Variants in ITGA6 observed in about 807,000 individuals in gnomAD.
The protein encoded by ITGA6 is integrin subunit alpha 6, also known as integrin alpha-6.
In ITGA6, 63 loss-of-function variants were observed where a neutral mutation model predicts 133.6. The observed-to-expected ratio is 0.47, with a 90% confidence interval of 0.38 to 0.58. The LOEUF is 0.58. Among genes scored for constraint, ITGA6 ranks in the 20% least tolerant of loss-of-function variants. The pLI, the probability that ITGA6 is intolerant of heterozygous loss-of-function variation, is 0.00. For missense variants in ITGA6, 1,068 were observed against 1,309.4 expected (o/e 0.82, Z 2.85); for synonymous variants, 434 against 482.0 (o/e 0.90, Z 1.30).
chr2:172,450,837 AT>A (rs1684958167), intron 1 of ITGA6, among the ~76,000 whole-genome samples: 1 of 143,212 alleles, frequency 7.0e-6, no homozygotes, highest in African/African-American at 2.7e-5. Flanking sequence ...TATATAAAAT[AT>A]ATATATAATT....
intron 1 of ITGA6, among the ~76,000 whole-genome samples, chr2:172,456,444 G>C (rs948391636): frequency 1.3e-5 from 2 of 152,150 alleles, no homozygotes; most frequent in African/African-American, 4.8e-5. Flanking sequence ...ATCCGAGCCT[G>C]GGGTGACCAT....
chr2:172,496,115 C>T (rs1687116718), intron 23 of ITGA6, among the ~76,000 whole-genome samples: 1 of 152,212 alleles, frequency 6.6e-6, no homozygotes, highest in Non-Finnish European at 1.5e-5. Flanking sequence ...TGGTTTGTTT[C>T]ATTGTAGTCA....
rs370253342 is a variant in ITGA6 at position 172,476,518 on chromosome 2, G to C, written c.1388+5G>C. On this transcript the variant is annotated splice_donor_5th_base_variant and intron_variant, in intron 9 of 25. Coordinates refer to ENST00000684293, the MANE Select transcript of ITGA6 (RefSeq NM_000210.4). Reference sequence around the variant, plus strand: ...AGATTCAGTAACTATTTTCAGGTCTGTTATCTATGATTTTAGTGTTAAGCA... The same window carrying C: ...AGATTCAGTAACTATTTTCAGGTCTCTTATCTATGATTTTAGTGTTAAGCA... The C allele has an allele frequency of 2.6e-5, 38 of 1,467,318 alleles. No homozygotes were observed. The highest frequency in any genetic ancestry group is 3.3e-5 in the Non-Finnish European group (35 of 1,046,120). 90.9% of individuals were successfully genotyped at this position (1,467,318 alleles called of 1,614,324 possible).
intron 24 of ITGA6, among the ~76,000 whole-genome samples, chr2:172,498,529 C>G (rs1197362291): frequency 1.3e-5 from 2 of 152,128 alleles, no homozygotes; most frequent in African/African-American, 4.8e-5. Context: ...ATGCTTACAG[C>G]TAGATTTGGA....
chr2:172,500,776 A>G (rs62167795), intron 24 of ITGA6, among the ~76,000 whole-genome samples: 6,238 of 152,330 alleles, frequency 0.041, 189 homozygotes, highest in Non-Finnish European at 0.059. Flanking sequence ...CTGGAGCTGC[A>G]GCATCCAGTA....
At chr2:172,439,202 G>A (rs927120144) in intron 1 of ITGA6, among the ~76,000 whole-genome samples, 1 of 151,840 alleles carries the variant, frequency 6.6e-6, no homozygotes, top group Non-Finnish European at 1.5e-5. Context: ...GGAGAGCCAA[G>A]GCTGTGCTTC....
rs184791235 is a variant in ITGA6 at position 172,493,256 on chromosome 2, G to A, written c.2988+1733G>A. Among the ~76,000 whole-genome samples the A allele has an allele frequency of 8.6e-4, 131 of 152,222 alleles. 1 individual carries two copies. The highest frequency in any genetic ancestry group is 2.8e-3 in the African/African-American group (118 of 41,516). On this transcript the variant is annotated intron_variant, in intron 23 of 25. Coordinates refer to ENST00000684293, the MANE Select transcript of ITGA6 (RefSeq NM_000210.4). ...AATGCTGTACTGGGCAAGCTGCTGC[G>A]ATAAGTGGTATCAACCAGCACTGTC...
At chr2:172,444,027 G>T (rs1684648693) in intron 1 of ITGA6, among the ~76,000 whole-genome samples, 1 of 152,200 alleles carries the variant, frequency 6.6e-6, no homozygotes, top group Admixed American at 6.5e-5. Context: ...CTCCCACCTT[G>T]GCCCCCAAAG....
In ITGA6 at chr2:172,457,091, C is replaced by A. The variant is rs150658862; in HGVS notation, c.183-8448C>A. Among the ~76,000 whole-genome samples the A allele has an allele frequency of 5.3e-3, 812 of 152,166 alleles. 8 individuals carry two copies. Among genetic ancestry groups the A allele is most frequent in the African/African-American group, 0.018 (768 of 41,520 alleles). ...GGGAGATCACTTGAGGTCAGGAGTTCAAGACCAGCCTGGCCAACATGGTGA... is the reference window on the plus strand; with the variant it reads ...GGGAGATCACTTGAGGTCAGGAGTTAAAGACCAGCCTGGCCAACATGGTGA... On this transcript the variant is annotated intron_variant, in intron 1 of 25. Transcript: ENST00000684293.
At chr2:172,498,726 A>G (rs747285440) in intron 24 of ITGA6, among the ~76,000 whole-genome samples, 2 of 152,242 alleles carry the variant, frequency 1.3e-5, no homozygotes, top group South Asian at 2.1e-4. Flanking sequence ...AAAACTGCGT[A>G]TGAGATGGAT....
chr2:172,436,160 A>G (rs1684312447), intron 1 of ITGA6, among the ~76,000 whole-genome samples: 1 of 152,150 alleles, frequency 6.6e-6, no homozygotes, highest in Admixed American at 6.5e-5. Flanking sequence ...TACAAGTGCA[A>G]AGAGAGATGG....
chr2:172,472,833 C>A, intron 5 of ITGA6: 1 of 1,612,542 alleles, frequency 6.2e-7, no homozygotes, highest in Non-Finnish European at 8.5e-7. Flanking sequence ...TTATAAAACA[C>A]GGCCTCCCCG....
intron 1 of ITGA6, among the ~76,000 whole-genome samples, chr2:172,442,026 C>T (rs1684565277): frequency 1.3e-5 from 2 of 152,178 alleles, no homozygotes; most frequent in Admixed American, 1.3e-4. Flanking sequence ...AGAGAGGTAC[C>T]ATCCTGAGTT....
chr2:172,470,854 T>C, intron 4 of ITGA6, 120 bp from the exon 5 acceptor site: 1 of 977,556 alleles, frequency 1.0e-6, no homozygotes, highest in East Asian at 2.6e-5. Context: ...CCTTCCTTTT[T>C]TTCCTCCAAA....
intron 1 of ITGA6, among the ~76,000 whole-genome samples, chr2:172,435,616 C>CTTTTTTTTT (rs58005683): frequency 4.5e-4 from 37 of 82,246 alleles, no homozygotes; most frequent in East Asian, 9.9e-4. Context: ...AGTTTTGTTT[C>CTTTTTTTTT]TTTTTTTTTT....
At chr2:172,487,830 C>T (rs780410635) in intron 17 of ITGA6, 23 bp downstream of exon 17, 1 of 1,548,340 alleles carries the variant, frequency 6.5e-7, no homozygotes, top group Non-Finnish European at 8.9e-7. Flanking sequence ...TCAACCTCTC[C>T]ATTCAGAATT....
intron 20 of ITGA6, chr2:172,489,933 A>C (rs1019457301): frequency 2.5e-6 from 1 of 392,404 alleles, no homozygotes; most frequent in Non-Finnish European, 4.7e-6. Flanking sequence ...AGTATGTTAC[A>C]TAATAAGGAG....
At chr2:172,479,907 G>T in intron 10 of ITGA6, 83 bp from the exon 11 acceptor site, 1 of 1,063,100 alleles carries the variant, frequency 9.4e-7, no homozygotes, top group Non-Finnish European at 1.5e-6. Flanking sequence ...GGCATTGGGG[G>T]GATTGGAGAG....
intron 11 of ITGA6, among the ~76,000 whole-genome samples, chr2:172,480,321 C>G (rs1377104187): frequency 6.6e-6 from 1 of 152,122 alleles, no homozygotes; most frequent in East Asian, 1.9e-4. Flanking sequence ...GCTACCACAA[C>G]CATTTCCTCC....
Sources: allele counts gnomAD v4.1 joint callset (sites outside exome capture counted in the v4.1 genomes callset), GRCh38; gene constraint gnomAD v4.1.1; transcripts MANE v1.5; gene names NCBI Gene and HGNC (gene_info 2026-07-23, HGNC 2026-07-21).